The following CABLES1 variants were observed in gnomAD, a reference collection of about 807,000 sequenced individuals.
CABLES1 encodes the protein CDK5 and ABL1 enzyme substrate 1.
A neutral mutation model predicts 57.8 loss-of-function variants in CABLES1; 36 were observed. That is an observed-to-expected ratio of 0.62 (90% CI 0.48 to 0.82). CABLES1 has a LOEUF of 0.82. CABLES1 is among the 40% of genes least tolerant of loss of function. The probability of loss-of-function intolerance (pLI) is 0.00; values close to 1 mark genes in which losing one functional copy is unlikely to be tolerated. For synonymous variants in CABLES1, 374 were observed against 363.0 expected, an observed-to-expected ratio of 1.03 and a Z score of -0.35; for missense variants, 767 against 836.6, an observed-to-expected ratio of 0.92 and a Z score of 1.03.
At chr18:23,253,148 G>A in intron 8 of CABLES1, 82 bp downstream of exon 8, 1 of 783,044 alleles carries the variant, frequency 1.3e-6, no homozygotes, top group Admixed American at 2.0e-5. Context: ...CTGTCCAGTG[G>A]TCCTTCCTGT....
chr18:23,237,283 G>A (rs376624705), intron 7 of CABLES1, 38 bp downstream of exon 7: 36 of 1,389,126 alleles, frequency 2.6e-5, no homozygotes, highest in East Asian at 4.6e-5. Context: ...TTGCTGCACC[G>A]TCAGTTGCCC....
chr18:23,193,194 CTT>C (rs763239686), intron 2 of CABLES1, among the ~76,000 whole-genome samples: 12 of 142,254 alleles, frequency 8.4e-5, no homozygotes, highest in Non-Finnish European at 1.2e-4. Context: ...AAGAATCTTT[CTT>C]TTTTTTTTTT....
Position 23,181,726 on chromosome 18 carries a change from C to A in CABLES1, c.846-7112C>A, listed in dbSNP as rs532973984. Among the ~76,000 whole-genome samples the A allele has an allele frequency of 2.0e-5, 3 of 152,216 alleles. No homozygotes were observed. The South Asian group carries it at 6.2e-4, about 32-fold the overall frequency. Reference sequence around the variant, plus strand: ...ACACACAGGCTGTGACAGCATGGCCCCTCCCAAGCAGCTCACTTCTAGGGT... The same window carrying A: ...ACACACAGGCTGTGACAGCATGGCCACTCCCAAGCAGCTCACTTCTAGGGT... On this transcript the variant is annotated intron_variant, in intron 1 of 9. Coordinates refer to ENST00000256925, the MANE Select transcript of CABLES1 (RefSeq NM_001100619.3).
chr18:23,173,703 C>CTG (rs1177042598), intron 1 of CABLES1, among the ~76,000 whole-genome samples: 3 of 152,208 alleles, frequency 2.0e-5, no homozygotes, highest in African/African-American at 7.2e-5. Context: ...TGGCTCATGC[C>CTG]TGTAATTCCA....
At chr18:23,199,451 G>C (rs1185698742) in intron 3 of CABLES1, among the ~76,000 whole-genome samples, 1 of 152,194 alleles carries the variant, frequency 6.6e-6, no homozygotes, top group Admixed American at 6.5e-5. Flanking sequence ...AACAACCCCA[G>C]TGTCTCAGCA....
chr18:23,203,759 A>G (rs11875837), intron 3 of CABLES1, among the ~76,000 whole-genome samples: 11,798 of 152,218 alleles, frequency 0.078, 957 homozygotes, highest in Admixed American at 0.22. Context: ...AAGAAGAAAA[A>G]TGTCATTGCT....
intron 1 of CABLES1, among the ~76,000 whole-genome samples, chr18:23,179,755 AAAC>A (rs1175661513): frequency 1.3e-5 from 2 of 152,242 alleles, no homozygotes; most frequent in Non-Finnish European, 2.9e-5. Context: ...GTGGACAACA[AAAC>A]AAAGCATGTG....
chr18:23,200,428 T>G (rs1332000733), intron 3 of CABLES1, among the ~76,000 whole-genome samples: 4 of 152,078 alleles, frequency 2.6e-5, no homozygotes, highest in Non-Finnish European at 5.9e-5. Flanking sequence ...CCCAGCTAAT[T>G]TTTTTATACT....
At chr18:23,192,901 G>T (rs1345815983) in intron 2 of CABLES1, among the ~76,000 whole-genome samples, 1 of 152,076 alleles carries the variant, frequency 6.6e-6, no homozygotes, top group Non-Finnish European at 1.5e-5. Flanking sequence ...ATTAAATCTG[G>T]GTTTAGTGGC....
At chr18:23,240,010 G>A (rs925723868) in intron 7 of CABLES1, among the ~76,000 whole-genome samples, 1 of 152,144 alleles carries the variant, frequency 6.6e-6, no homozygotes, top group Non-Finnish European at 1.5e-5. Context: ...CCCAGCTACT[G>A]GAGAGGCTGA....
intron 1 of CABLES1, among the ~76,000 whole-genome samples, chr18:23,157,933 A>G (rs1207461746): frequency 1.3e-5 from 2 of 152,168 alleles, no homozygotes; most frequent in Non-Finnish European, 2.9e-5. Context: ...ACGTTGGGCA[A>G]TTTATAAATA....
rs187991426 is a variant in CABLES1 at position 23,186,831 on chromosome 18, A to G, written c.846-2007A>G. On this transcript the variant is annotated intron_variant, in intron 1 of 9. Transcript: ENST00000256925. ...CCTGTGTAGAATTACACCACCCTGGATGGGTAACATGGGGTTTCTGCTGCT... is the reference window on the plus strand; with the variant it reads ...CCTGTGTAGAATTACACCACCCTGGGTGGGTAACATGGGGTTTCTGCTGCT... Among the ~76,000 whole-genome samples the G allele has an allele frequency of 2.2e-3, 341 of 152,250 alleles. 1 individual carries two copies. Among genetic ancestry groups the G allele is most frequent in the Non-Finnish European group, 3.5e-3 (235 of 68,018 alleles).
At chr18:23,212,853 G>C (rs1321343145) in intron 3 of CABLES1, among the ~76,000 whole-genome samples, 1 of 152,188 alleles carries the variant, frequency 6.6e-6, no homozygotes, top group African/African-American at 2.4e-5. Flanking sequence ...AGAATAAATA[G>C]GAGTTCATTG....
rs1360773259 is a variant in CABLES1 at position 23,136,099 on chromosome 18, G to A, written c.337G>A (p.Ala113Thr). Reference protein sequence around the residue: ...GARTRFSLLAAAERGGCIALA... With the variant: ...GARTRFSLLATAERGGCIALA... The stretch of plus-strand genomic sequence containing the variant: ...GAGGACTCGGTTCAGCTTGCTCGCC[G>A]CTGCCGAGCGGGGCGGCTGCATCGC... The change falls in exon 1 of 10, where the codon GCT becomes ACT. Residue 113 changes from alanine to threonine, a missense_variant. Transcript: ENST00000256925. 8.5e-7 allele frequency: 1 copy of A among 1,180,596 alleles called. No homozygotes were observed. Among genetic ancestry groups the A allele is most frequent in the South Asian group, 4.1e-5 (1 of 24,466 alleles). 73.1% of individuals were successfully genotyped at this position (1,180,596 alleles called of 1,614,324 possible).
intron 7 of CABLES1, 124 bp downstream of exon 7, chr18:23,237,369 G>A (rs1000176707): frequency 9.7e-6 from 7 of 724,202 alleles, no homozygotes; most frequent in Admixed American, 4.0e-5. Context: ...GAGCTCCCCG[G>A]TGTGGGTGCC....
chr18:23,224,561 CTTTTTTTTTTT>C lies in CABLES1; in HGVS notation c.1089-10033_1089-10023del, dbSNP rs777471596. Among the ~76,000 whole-genome samples, 43 of 89,674 alleles carry C rather than the reference CTTTTTTTTTTT, an allele frequency of 4.8e-4. 1 individual carries two copies. The highest frequency in any genetic ancestry group is 6.9e-4 in the Non-Finnish European group (33 of 47,742). 58.8% of individuals were successfully genotyped at this position (89,674 alleles called of 152,430 possible). On this transcript the variant is annotated intron_variant, in intron 4 of 9. Coordinates refer to ENST00000256925, the MANE Select transcript of CABLES1 (RefSeq NM_001100619.3). Reference sequence around the variant, plus strand: ...CTTCCATTTTTGTCCAGTCACAGAGCTTTTTTTTTTTTTTTTTTTTTTTTGGAGACAGAGTC... The same window carrying C: ...CTTCCATTTTTGTCCAGTCACAGAGCTTTTTTTTTTTTTGGAGACAGAGTC...
At chr18:23,191,906 T>TAAAAAAAAAAAAAAAAA (rs147984743) in intron 2 of CABLES1, among the ~76,000 whole-genome samples, 1 of 82,618 alleles carries the variant, frequency 1.2e-5, no homozygotes, top group Admixed American at 1.5e-4. Context: ...GTTGAATGCT[T>TAAAAAAAAAAAAAAAAA]AAAAAAAAAA....
chr18:23,231,665 G>T (rs1695860017), intron 4 of CABLES1, among the ~76,000 whole-genome samples: 1 of 152,168 alleles, frequency 6.6e-6, no homozygotes, highest in African/African-American at 2.4e-5. Context: ...GAGACGCTTG[G>T]ACAATCCACT....
chr18:23,236,203 C>T (rs1261982366), intron 6 of CABLES1, 152 bp downstream of exon 6: 4 of 816,648 alleles, frequency 4.9e-6, no homozygotes, highest in Non-Finnish European at 7.5e-6. Flanking sequence ...GCCATGCAGG[C>T]CCGCAATGAA....
Sources: gnomAD v4.1 joint callset for allele counts (sites outside exome capture counted in the v4.1 genomes callset) on GRCh38, gnomAD v4.1.1 for gene constraint, MANE v1.5 for transcripts, NCBI Gene and HGNC (gene_info 2026-07-23, HGNC 2026-07-21) for gene names.